The following HERC4 variants were observed in gnomAD, a reference collection of about 807,000 sequenced individuals.
HERC4 encodes HECT and RLD domain containing E3 ubiquitin protein ligase 4, also known as probable E3 ubiquitin-protein ligase HERC4.
Under a neutral mutation model 124.3 loss-of-function variants are expected in HERC4, and 28 were observed. The ratio of observed to expected loss-of-function variants is 0.23; its 90% CI spans 0.17 to 0.31. The LOEUF (loss-of-function observed/expected upper bound fraction) is 0.31. Among genes scored for constraint, HERC4 ranks in the 10% least tolerant of loss-of-function variants. The pLI, the probability that HERC4 is intolerant of heterozygous loss-of-function variation, is 1.00. For missense variants in HERC4, 713 were observed against 1,229.3 expected (o/e 0.58, Z 6.28); for synonymous variants, 407 against 421.5 (o/e 0.97, Z 0.42).
chr10:67,960,062 A>G (rs1043384787), intron 16 of HERC4, among the ~76,000 whole-genome samples: 1 of 152,222 alleles, frequency 6.6e-6, no homozygotes, highest in African/African-American at 2.4e-5. Flanking sequence ...CCACTGGACA[A>G]TGTGACTTAT....
In HERC4 at chr10:67,922,606, A is replaced by G. The variant is rs953518078; in HGVS notation, c.*325T>C. The G allele has an allele frequency of 6.1e-6, 1 of 164,096 alleles. No individual in the cohort carries two copies. The highest frequency in any genetic ancestry group is 6.2e-5 in the Admixed American group (1 of 16,032). 10.2% of individuals were successfully genotyped at this position (164,096 alleles called of 1,614,324 possible). A position where few individuals can be genotyped will look rare whatever the true frequency, so the allele number is the denominator to read the frequency against. Reference sequence around the variant, plus strand: ...TCACTCAATGATTGAAGAAAAATTAAGCAATATTTCCATGCACTCACACCA... The same window carrying G: ...TCACTCAATGATTGAAGAAAAATTAGGCAATATTTCCATGCACTCACACCA... On this transcript the variant is annotated 3_prime_UTR_variant, in exon 25 of 25. Coordinates refer to ENST00000373700, the MANE Select transcript of HERC4 (RefSeq NM_015601.4).
chr10:68,038,381 G>A lies in HERC4; in HGVS notation c.387-212C>T, dbSNP rs568771508. On this transcript the variant is annotated intron_variant, in intron 4 of 24. Coordinates refer to ENST00000373700, the MANE Select transcript of HERC4 (RefSeq NM_015601.4). ...AAAAAAAAAATTAAAGGGGTGAAAA[G>A]AACACATCTTGGAAAGACAGTATTT... is the stretch of plus-strand genomic sequence containing the variant. The A allele has an allele frequency of 1.0e-5, 4 of 395,050 alleles. No homozygotes were observed. The Admixed American group carries it at 1.4e-4, about 14-fold the overall frequency. 24.5% of individuals were successfully genotyped at this position (395,050 alleles called of 1,614,324 possible). A position where few individuals can be genotyped will look rare whatever the true frequency, so the allele number is the denominator to read the frequency against.
intron 3 of HERC4, among the ~76,000 whole-genome samples, chr10:68,057,707 TA>T (rs1004879326): frequency 2.7e-5 from 4 of 148,744 alleles, no homozygotes; most frequent in Admixed American, 6.8e-5. Flanking sequence ...TACACCTTAT[TA>T]TTTTTTTTTT....
intron 9 of HERC4, among the ~76,000 whole-genome samples, chr10:67,997,601 C>T (rs1161048195): frequency 6.6e-6 from 1 of 152,058 alleles, no homozygotes; most frequent in Non-Finnish European, 1.5e-5. Context: ...AAGCTTTAAC[C>T]CTGAGTACCT....
chr10:67,967,068 A>G (rs1364023962), intron 15 of HERC4, among the ~76,000 whole-genome samples: 1 of 152,152 alleles, frequency 6.6e-6, no homozygotes, highest in Non-Finnish European at 1.5e-5. Flanking sequence ...GTTAGCCAGG[A>G]TGGTCTCGAT....
At chr10:68,009,981 A>G (rs1468330190) in intron 9 of HERC4, among the ~76,000 whole-genome samples, 3 of 151,996 alleles carry the variant, frequency 2.0e-5, no homozygotes, top group Admixed American at 2.0e-4. Context: ...TTCATTTGAG[A>G]AAAAAGTGAT....
intron 3 of HERC4, among the ~76,000 whole-genome samples, chr10:68,051,052 G>A (rs1178771312): frequency 6.6e-6 from 1 of 150,970 alleles, no homozygotes; most frequent in Admixed American, 6.6e-5. Flanking sequence ...GGAGAGTTAA[G>A]GGGGGATTAA....
chr10:67,986,516 C>G (rs550199807), intron 15 of HERC4, among the ~76,000 whole-genome samples: 1 of 151,138 alleles, frequency 6.6e-6, no homozygotes, highest in African/African-American at 2.4e-5. Flanking sequence ...CCATACCCAG[C>G]TAATTTTTTT....
chr10:67,927,430 ATTTTTTTT>A (rs373401588), intron 23 of HERC4, among the ~76,000 whole-genome samples: 4 of 37,924 alleles, frequency 1.1e-4, no homozygotes, highest in African/African-American at 1.7e-4. Flanking sequence ...ATATATATAT[ATTTTTTTT>A]TTTTTTTAGA....
chr10:67,966,624 C>A (rs773218099), intron 16 of HERC4, 59 bp downstream of exon 16: 1 of 1,507,196 alleles, frequency 6.6e-7, no homozygotes, highest in Non-Finnish European at 8.9e-7. Flanking sequence ...GCAATTGTTT[C>A]TTTTTTTATT....
chr10:68,026,610 G>A lies in HERC4; in HGVS notation c.778-934C>T, dbSNP rs888019686. ...TGTAATCCCAGCACTTTGGGAGGCC[G>A]AGGCAGGTGGATCACGAGGTCAGGA... On this transcript the variant is annotated intron_variant, in intron 7 of 24. Transcript: ENST00000373700. Among the ~76,000 whole-genome samples the A allele has an allele frequency of 7.9e-5, 12 of 151,716 alleles. No homozygotes were observed. In the South Asian group the frequency reaches 8.3e-4, roughly 11 times the overall value.
intron 3 of HERC4, among the ~76,000 whole-genome samples, chr10:68,061,734 A>G (rs1242129838): frequency 2.0e-5 from 3 of 151,270 alleles, no homozygotes; most frequent in African/African-American, 7.3e-5. Flanking sequence ...CAAAAAAATT[A>G]GCCGGGCATG....
At chr10:67,946,545 A>T (rs1009178288) in intron 19 of HERC4, among the ~76,000 whole-genome samples, 9 of 152,108 alleles carry the variant, frequency 5.9e-5, no homozygotes, top group African/African-American at 1.9e-4. Context: ...GCAAGACAAA[A>T]ACTATAGAAG....
intron 4 of HERC4, chr10:68,039,947 G>T (rs2039678145): frequency 4.6e-6 from 4 of 873,488 alleles, no homozygotes; most frequent in Non-Finnish European, 4.1e-6. Flanking sequence ...TTCCTTCAGA[G>T]CATTTATCGC....
intron 19 of HERC4, among the ~76,000 whole-genome samples, chr10:67,948,004 TAAAC>T (rs201022518): frequency 0.017 from 2,145 of 129,084 alleles, 35 homozygotes; most frequent in African/African-American, 0.05. Context: ...AATACACTCT[TAAAC>T]AACCAAAAGA....
intron 11 of HERC4, 21 bp downstream of exon 11, chr10:67,992,178 G>A: frequency 6.2e-7 from 1 of 1,610,630 alleles, no homozygotes; most frequent in Non-Finnish European, 8.5e-7. Context: ...CACTGTGCCT[G>A]GCCCAAAATG....
intron 9 of HERC4, among the ~76,000 whole-genome samples, chr10:68,012,506 A>G (rs1262092372): frequency 3.9e-5 from 6 of 152,192 alleles, no homozygotes; most frequent in African/African-American, 1.4e-4. Flanking sequence ...GGAAGGCCCG[A>G]GGAGAGGAGA....
chr10:68,029,896 G>A (rs1017671939), intron 7 of HERC4, among the ~76,000 whole-genome samples: 18 of 150,790 alleles, frequency 1.2e-4, no homozygotes, highest in African/African-American at 3.2e-4. Flanking sequence ...CTGCCACCAC[G>A]CCCGGCTAAT....
chr10:67,945,007 G>A (rs1179934816), intron 19 of HERC4, among the ~76,000 whole-genome samples: 1 of 152,174 alleles, frequency 6.6e-6, no homozygotes, highest in Non-Finnish European at 1.5e-5. Flanking sequence ...TAAAGAGGGG[G>A]TAGAGAAAGA....
Sources: gnomAD v4.1 joint callset for allele counts (sites outside exome capture counted in the v4.1 genomes callset) on GRCh38, gnomAD v4.1.1 for gene constraint, MANE v1.5 for transcripts, NCBI Gene and HGNC (gene_info 2026-07-23, HGNC 2026-07-21) for gene names.